Variants in MUC5B observed in about 807,000 individuals in gnomAD.
The protein encoded by MUC5B is mucin-5B.
A neutral mutation model predicts 376.9 loss-of-function variants in MUC5B; 116 were observed. That is an observed-to-expected ratio of 0.31 (90% CI 0.26 to 0.36). The LOEUF is 0.36. MUC5B is among the 10% of genes least tolerant of loss of function. The pLI is 1.00. For missense variants in MUC5B, 7,165 were observed against 7,769.9 expected (o/e 0.92, Z 2.93); for synonymous variants, 3,517 against 3,390.9 (o/e 1.04, Z -1.29).
chr11:1,231,451 C>T lies in MUC5B; in HGVS notation c.1569C>T (p.Ser523=). Reference sequence around the variant, plus strand: ...ACATCACCCTGTTCACACCCTCGAGCTTCTTCATCGTGGTGCAGACAGGCC... The same window carrying T: ...ACATCACCCTGTTCACACCCTCGAGTTTCTTCATCGTGGTGCAGACAGGCC... ...AANITLFTPS[S]FFIVVQTGLG... is the part of the protein sequence containing the mutation. The change falls in exon 14 of 49, where the codon AGC becomes AGT. Residue 523 remains serine, a synonymous_variant. Transcript: ENST00000529681. The T allele has an allele frequency of 6.2e-7, 1 of 1,612,140 alleles. No individual in the cohort carries two copies. The highest frequency in any genetic ancestry group is 8.5e-7 in the Non-Finnish European group (1 of 1,179,588).
chr11:1,244,900 A>G lies in MUC5B; in HGVS notation c.8020A>G (p.Met2674Val). The G allele has an allele frequency of 1.2e-6, 2 of 1,609,020 alleles. No individual in the cohort carries two copies. The highest frequency in any genetic ancestry group is 1.1e-5 in the South Asian group (1 of 90,688). ...CACCACAACTGTGGCCACTGGTTCT[A>G]TGGCAACACCCTCCTCTAGCACACA... is the stretch of plus-strand genomic sequence containing the variant. ...TTTTTVATGS[M>V]ATPSSSTQTS... is the part of the protein sequence containing the mutation. Residue 2674 changes from methionine (M) to valine (V), a missense_variant, in exon 31 of 49, where the codon ATG becomes GTG. Physicochemically the swap from Met to Val is conservative, Grantham distance 21 (BLOSUM62 1). Around this residue, in one of 31 missense-constraint regions of MUC5B, gnomAD observed 141 missense variants for 111.2 expected, o/e 1.27. Transcript: ENST00000529681.
intron 31 of MUC5B, 117 bp from the exon 32 acceptor site, chr11:1,252,226 C>G (rs1295947632): frequency 9.6e-7 from 1 of 1,044,470 alleles, no homozygotes; most frequent in Non-Finnish European, 1.4e-6. Context: ...GCCCTCTCCA[C>G]TCCCTTCCCT....
intron 46 of MUC5B, 47 bp from the exon 47 acceptor site, chr11:1,260,304 G>A: frequency 6.3e-7 from 1 of 1,589,718 alleles, no homozygotes; most frequent in Non-Finnish European, 8.6e-7. Context: ...GCACCCACCA[G>A]GGAGGCCCCG....
At position 1,232,138 on chromosome 11, in the gene MUC5B, C is replaced by T; in HGVS notation, c.1821C>T (p.Pro607=). Residue 607 remains proline, a synonymous_variant, in exon 15 of 49, where the codon CCC becomes CCT. Coordinates refer to ENST00000529681, the MANE Select transcript of MUC5B (RefSeq NM_002458.3). Reference sequence around the variant, plus strand: ...ATGCCAGGAACAGCTTTGAGGACCCCTGCTCCCTCAGTGTGGAGAATGGTA... The same window carrying T: ...ATGCCAGGAACAGCTTTGAGGACCCTTGCTCCCTCAGTGTGGAGAATGGTA... ...CANARNSFED[P]CSLSVENENY... 4 of 1,609,914 alleles carry T rather than the reference C, an allele frequency of 2.5e-6. No homozygotes were observed. The highest frequency in any genetic ancestry group is 2.2e-5 in the East Asian group (1 of 44,822).
In MUC5B at chr11:1,249,058, C is replaced by G. The variant is rs1369036804; in HGVS notation, c.12178C>G (p.Gln4060Glu). Reference sequence around the variant, plus strand: ...CCCAGCAGCAACCACCGGTACCACCCAGCACTCGACTCCAGCCCTGTCCAG... The same window carrying G: ...CCCAGCAGCAACCACCGGTACCACCGAGCACTCGACTCCAGCCCTGTCCAG... ...HTPAATTGTT[Q>E]HSTPALSSPH... The change falls in exon 31 of 49, where the codon CAG (glutamine) becomes GAG (glutamate). Residue 4060 changes from glutamine (Q) to glutamate (E), a missense_variant. This residue lies in a region of MUC5B where 85 missense variants were observed against 78.2 expected (regional missense o/e 1.09). Transcript: ENST00000529681. The G allele has an allele frequency of 5.0e-6, 8 of 1,610,712 alleles. No individual in the cohort carries two copies. The highest frequency in any genetic ancestry group is 6.8e-6 in the Non-Finnish European group (8 of 1,179,458).
chr11:1,225,226 T>TC (rs1305056018), intron 1 of MUC5B, among the ~76,000 whole-genome samples: 1 of 152,252 alleles, frequency 6.6e-6, no homozygotes, highest in Non-Finnish European at 1.5e-5. Context: ...TCCAAGTGTG[T>TC]CCTCCTAACA....
intron 18 of MUC5B, 51 bp from the exon 19 acceptor site, chr11:1,233,742 G>C: frequency 6.5e-7 from 1 of 1,545,844 alleles, no homozygotes; most frequent in African/African-American, 1.4e-5. Context: ...CGGGGGTGGG[G>C]TCTGCGGGGT....
intron 18 of MUC5B, among the ~76,000 whole-genome samples, chr11:1,233,504 A>G (rs1862081788): frequency 6.6e-6 from 1 of 152,122 alleles, no homozygotes; most frequent in African/African-American, 2.4e-5. Context: ...CTGGGTCCAC[A>G]TGGCAGCCCC....
chr11:1,232,443 C>A lies in MUC5B; in HGVS notation c.1844-7C>A. On this transcript the variant is annotated splice_polypyrimidine_tract_variant and splice_region_variant and intron_variant, in intron 15 of 48. Coordinates refer to ENST00000529681, the MANE Select transcript of MUC5B (RefSeq NM_002458.3). ...GGCGTGGAGATGAGGTCAGGTCTTC[C>A]CCACAGAGAACTACGCCCGGCACTG... is the stretch of plus-strand genomic sequence containing the variant. 1 of 1,600,302 alleles carries A rather than the reference C, an allele frequency of 6.2e-7. No homozygotes were observed. The highest frequency in any genetic ancestry group is 8.5e-7 in the Non-Finnish European group (1 of 1,174,586).
chr11:1,241,278 C>G lies in MUC5B; in HGVS notation c.4398C>G (p.Thr1466=), dbSNP rs752120396. ...CCCAGACCACAGCAACCGAAAAGAC[C>G]ACCCTATGGGTGACCCCGAGCATCC... The part of the protein sequence containing the change: ...TPTQTTATEK[T]TLWVTPSIRS... The change falls in exon 31 of 49, where the codon ACC becomes ACG. Residue 1466 remains threonine, a synonymous_variant. Transcript: ENST00000529681. 5 of 1,596,772 alleles carry G rather than the reference C, an allele frequency of 3.1e-6. No homozygotes were observed. Among genetic ancestry groups the G allele is most frequent in the Middle Eastern group, 1.7e-4 (1 of 6,046 alleles).
intron 26 of MUC5B, 119 bp downstream of exon 26, chr11:1,239,146 C>A: frequency 8.3e-7 from 1 of 1,201,488 alleles, no homozygotes; most frequent in Non-Finnish European, 1.2e-6. Flanking sequence ...ATCCAACACG[C>A]ATGTGCCTCC....
chr11:1,229,590 A>G (rs1861974230), intron 9 of MUC5B, 100 bp from the exon 10 acceptor site: 2 of 1,078,162 alleles, frequency 1.9e-6, no homozygotes, highest in Non-Finnish European at 2.7e-6. Flanking sequence ...TGGAGCAGGA[A>G]TTCCTCCCCA....
rs1195970738 is a variant in MUC5B at position 1,255,408 on chromosome 11, G to C, written c.15916G>C (p.Val5306Leu). Residue 5306 changes from valine to leucine, a missense_variant, in exon 37 of 49, where the codon GTG becomes CTG. Coordinates refer to ENST00000529681, the MANE Select transcript of MUC5B (RefSeq NM_002458.3). ...GGTCTTTGCTGAGTGCCACAACCTT[G>C]TGCCCCCGGGCCCATTCTTCAACGC... ...SQVFAECHNL[V>L]PPGPFFNACI... 20 of 1,603,104 alleles carry C rather than the reference G, an allele frequency of 1.2e-5. No homozygotes were observed. The highest frequency in any genetic ancestry group is 1.6e-5 in the Non-Finnish European group (19 of 1,174,920).
Position 1,258,838 on chromosome 11 carries a change from C to A in MUC5B, c.16594-104C>A. On this transcript the variant is annotated intron_variant, in intron 43 of 48. Transcript: ENST00000529681. This position sits in a 1 kb window ranked among gnomAD's most constrained non-coding sequence, Gnocchi z 5.5. The stretch of plus-strand genomic sequence containing the variant: ...AGCCAGGGGTGCATCTATGCTCCAT[C>A]TGAGGAAGGAACAACTCCCTGCAGG... The A allele has an allele frequency of 6.8e-7, 1 of 1,462,854 alleles. No homozygotes were observed. Among genetic ancestry groups the A allele is most frequent in the Non-Finnish European group, 9.2e-7 (1 of 1,090,082 alleles). 90.6% of individuals were successfully genotyped at this position (1,462,854 alleles called of 1,614,324 possible). A position where few individuals can be genotyped will look rare whatever the true frequency, so the allele number is the denominator to read the frequency against.
At position 1,250,302 on chromosome 11, in the gene MUC5B, A is replaced by C; in HGVS notation, c.13422A>C (p.Ala4474=). Residue 4474 remains alanine (A), a synonymous_variant, in exon 31 of 49, where the codon GCA becomes GCC. Transcript: ENST00000529681. ...GSTATASSTQ[A]TAGTPHVSTT... ...CGGCCACCGCCTCCTCCACCCAGGC[A>C]ACTGCTGGCACCCCACATGTGAGCA... 10 of 1,612,712 alleles carry C rather than the reference A, an allele frequency of 6.2e-6. No individual in the cohort carries two copies. The highest frequency in any genetic ancestry group is 8.5e-6 in the Non-Finnish European group (10 of 1,179,496).
Position 1,247,213 on chromosome 11 carries a change from C to G in MUC5B, c.10333C>G (p.Pro3445Ala). The G allele has an allele frequency of 6.4e-7, 1 of 1,570,802 alleles. No homozygotes were observed. The highest frequency in any genetic ancestry group is 1.7e-5 in the Admixed American group (1 of 59,528). ...PSSALGTTHTPPVPNTTATTH... is the reference protein window; with the variant it reads ...PSSALGTTHTAPVPNTTATTH... The stretch of plus-strand genomic sequence containing the variant: ...CTCTGCCCTAGGGACCACCCACACA[C>G]CCCCAGTGCCGAACACCACGGCCAC... The change falls in exon 31 of 49, where the codon CCC (proline) becomes GCC (alanine). Residue 3445 changes from proline (P) to alanine (A), a missense_variant. Physicochemically the swap from Pro to Ala is conservative, Grantham distance 27. Around this residue, in one of 31 missense-constraint regions of MUC5B, gnomAD observed 939 missense variants for 770.6 expected, o/e 1.22. Transcript: ENST00000529681.
intron 1 of MUC5B, 51 bp downstream of exon 1, chr11:1,223,244 T>G (rs748533836): frequency 1.6e-4 from 110 of 700,652 alleles, no homozygotes; most frequent in Middle Eastern, 7.0e-4. Context: ...ACGGCGGGGG[T>G]CTCTGCAGGT....
rs61910740 is a variant in MUC5B, at chr11:1,242,027, C to T, written c.5147C>T (p.Thr1716Met). 1.7e-4 allele frequency: 274 copies of T among 1,587,076 alleles called. No individual in the cohort carries two copies. Among genetic ancestry groups the T allele is most frequent in the Non-Finnish European group, 2.2e-4 (253 of 1,167,700 alleles). Residue 1716 changes from threonine to methionine, a missense_variant, in exon 31 of 49, where the codon ACG becomes ATG. By Grantham distance (81) the Thr-to-Met change is moderately conservative. Around this residue, in one of 31 missense-constraint regions of MUC5B, gnomAD observed 897 missense variants for 779.6 expected, o/e 1.15. Transcript: ENST00000529681. The part of the protein sequence containing the change: ...LGTWRPSQPP[T>M]LAPTTMATSR... ...ACATGGCGCCCCTCACAGCCACCCA[C>T]GCTGGCCCCAACAACAATGGCAACC...
chr11:1,242,720 C>G lies in MUC5B; in HGVS notation c.5840C>G (p.Thr1947Arg). 6.2e-7 allele frequency: 1 copy of G among 1,613,378 alleles called. No individual in the cohort carries two copies. Among genetic ancestry groups the G allele is most frequent in the Non-Finnish European group, 8.5e-7 (1 of 1,179,556 alleles). Reference sequence around the variant, plus strand: ...CTGACCACCACGGCCACCACACCCACAGTCACCAGCTCCAAAGCCACTCCC... The same window carrying G: ...CTGACCACCACGGCCACCACACCCAGAGTCACCAGCTCCAAAGCCACTCCC... ...KVLTTTATTP[T>R]VTSSKATPSS... The change falls in exon 31 of 49, where the codon ACA (threonine) becomes AGA (arginine). Residue 1947 changes from threonine (T) to arginine (R), a missense_variant. Physicochemically the swap from Thr to Arg is moderately conservative, Grantham distance 71. Coordinates refer to ENST00000529681, the MANE Select transcript of MUC5B (RefSeq NM_002458.3).
Sources: gnomAD v4.1 joint callset for allele counts (sites outside exome capture counted in the v4.1 genomes callset) on GRCh38, gnomAD v4.1.1 for gene constraint, gnomAD v4.1.1 regional missense constraint, Gnocchi (gnomAD v3.1) non-coding constraint, MANE v1.5 for transcripts, NCBI Gene and HGNC (gene_info 2026-07-23, HGNC 2026-07-21) for gene names.